Variants in MBNL1 observed in about 807,000 individuals in gnomAD.
MBNL1 encodes muscleblind like splicing regulator 1, also known as muscleblind-like protein 1.
Under a neutral mutation model 42.2 loss-of-function variants are expected in MBNL1, and 8 were observed. The observed-to-expected ratio is 0.19, with a 90% CI of 0.11 to 0.34. MBNL1 has a LOEUF of 0.34. Ranked by LOEUF, MBNL1 falls within the 10% of genes least tolerant of loss-of-function variation. The probability of loss-of-function intolerance (pLI) is 1.00; values close to 1 mark genes in which losing one functional copy is unlikely to be tolerated. For synonymous variants in MBNL1, 169 were observed against 173.9 expected (o/e 0.97, Z 0.22); for missense variants, 309 against 495.3 (o/e 0.62, Z 3.57).
At chr3:152,374,049 A>T (rs1404522876) in intron 2 of MBNL1, among the ~76,000 whole-genome samples, 1 of 152,176 alleles carries the variant, frequency 6.6e-6, no homozygotes, top group African/African-American at 2.4e-5. Flanking sequence ...TCTTGTGTAT[A>T]TGCATCTTTT....
At chr3:152,417,623 T>TTGGA (rs1404617879) in intron 3 of MBNL1, among the ~76,000 whole-genome samples, 1 of 152,034 alleles carries the variant, frequency 6.6e-6, no homozygotes, top group African/African-American at 2.4e-5. Flanking sequence ...TGGAAGCATC[T>TTGGA]AGTATTATGC....
chr3:152,300,475 G>T, intron 2 of MBNL1, 108 bp downstream of exon 2: 1 of 926,086 alleles, frequency 1.1e-6, no homozygotes, highest in Admixed American at 2.4e-5. Context: ...TCATAGTTTA[G>T]TTATACAGTG....
chr3:152,450,882 C>T (rs1466567994), intron 6 of MBNL1, among the ~76,000 whole-genome samples: 2 of 151,948 alleles, frequency 1.3e-5, no homozygotes, highest in East Asian at 3.9e-4. Flanking sequence ...TTAAAAACAC[C>T]CTTTGAGAAC....
chr3:152,335,734 A>G (rs1158369438), intron 2 of MBNL1, among the ~76,000 whole-genome samples: 1 of 152,184 alleles, frequency 6.6e-6, no homozygotes, highest in Non-Finnish European at 1.5e-5. Context: ...AAAAATTGGA[A>G]GAAATAAGAA....
chr3:152,456,455 T>G (rs1404209185), intron 8 of MBNL1, 94 bp downstream of exon 8: 2 of 1,007,832 alleles, frequency 2.0e-6, no homozygotes, highest in Non-Finnish European at 3.2e-6. Context: ...TTGAGGTCAG[T>G]GGGAATCGTG....
intron 2 of MBNL1, among the ~76,000 whole-genome samples, chr3:152,355,268 A>G (rs1462076525): frequency 6.6e-6 from 1 of 152,248 alleles, no homozygotes; most frequent in Non-Finnish European, 1.5e-5. Flanking sequence ...AATTGATATT[A>G]TCTATCTTAT....
intron 2 of MBNL1, among the ~76,000 whole-genome samples, chr3:152,398,596 A>G (rs955194996): frequency 2.0e-5 from 3 of 152,126 alleles, no homozygotes; most frequent in African/African-American, 7.2e-5. Context: ...GAATGGTAAA[A>G]TCTGTTACCT....
chr3:152,439,310 G>C (rs776999401), intron 4 of MBNL1, among the ~76,000 whole-genome samples: 1 of 152,184 alleles, frequency 6.6e-6, no homozygotes, highest in Non-Finnish European at 1.5e-5. Context: ...ACAGTGAAAA[G>C]CATGCCTATG....
At chr3:152,392,251 C>T (rs2097756652) in intron 2 of MBNL1, among the ~76,000 whole-genome samples, 1 of 152,068 alleles carries the variant, frequency 6.6e-6, no homozygotes, top group African/African-American at 2.4e-5. Flanking sequence ...GCTTAGGTAA[C>T]ATTACACATA....
chr3:152,369,021 G>T (rs1274698821), intron 2 of MBNL1, among the ~76,000 whole-genome samples: 2 of 152,102 alleles, frequency 1.3e-5, no homozygotes, highest in Non-Finnish European at 2.9e-5. Context: ...TTGCCCGATT[G>T]CCCTGGCCAG....
chr3:152,456,951 T>G (rs1201847981), intron 8 of MBNL1, among the ~76,000 whole-genome samples: 1 of 152,162 alleles, frequency 6.6e-6, no homozygotes. Flanking sequence ...GCGCTCTTAT[T>G]TTTATAATTA....
intron 4 of MBNL1, among the ~76,000 whole-genome samples, chr3:152,437,810 G>T (rs1459103998): frequency 1.4e-5 from 2 of 143,972 alleles, no homozygotes; most frequent in African/African-American, 5.2e-5. Context: ...GTCTCACACT[G>T]TTGCCCAGGC....
intron 2 of MBNL1, among the ~76,000 whole-genome samples, chr3:152,303,611 G>A (rs2061650315): frequency 6.6e-6 from 1 of 152,042 alleles, no homozygotes; most frequent in Non-Finnish European, 1.5e-5. Flanking sequence ...CAAAAATGAT[G>A]TTTCAAATCA....
chr3:152,244,967 T>C (rs965468069), intron 2 of MBNL1, among the ~76,000 whole-genome samples: 12 of 152,116 alleles, frequency 7.9e-5, no homozygotes, highest in African/African-American at 2.9e-4. Flanking sequence ...TTTATGATGA[T>C]ATTTGTTTAG....
chr3:152,379,896 G>A lies in MBNL1; in HGVS notation c.175-35045G>A, dbSNP rs2097106345. On this transcript the variant is annotated intron_variant, in intron 2 of 9. Coordinates refer to ENST00000324210, the MANE Select transcript of MBNL1 (RefSeq NM_021038.5). ...GGGATAGATGGAGGCTATTTATATAGGATGTTTATACTATAAGGCAATTAA... is the reference window on the plus strand; with the variant it reads ...GGGATAGATGGAGGCTATTTATATAAGATGTTTATACTATAAGGCAATTAA... Among the ~76,000 whole-genome samples the A allele has an allele frequency of 3.3e-5, 5 of 152,092 alleles. No individual in the cohort carries two copies. The South Asian group carries it at 1.0e-3, about 32-fold the overall frequency.
At chr3:152,289,435 C>T (rs1032293728) in intron 1 of MBNL1, among the ~76,000 whole-genome samples, 4 of 151,944 alleles carry the variant, frequency 2.6e-5, no homozygotes, top group African/African-American at 4.8e-5. Context: ...ATTTAAGTTA[C>T]ATTGAAGTGA....
intron 2 of MBNL1, among the ~76,000 whole-genome samples, chr3:152,361,357 T>C (rs998036466): frequency 2.0e-5 from 3 of 151,652 alleles, no homozygotes; most frequent in African/African-American, 7.3e-5. Context: ...GGCAGATCTT[T>C]CTGTGTAGTT....
chr3:152,392,973 T>G (rs998880370), intron 2 of MBNL1, among the ~76,000 whole-genome samples: 1 of 152,198 alleles, frequency 6.6e-6, no homozygotes. Context: ...GTGTACAATT[T>G]GTTGCGTTGG....
intron 2 of MBNL1, among the ~76,000 whole-genome samples, chr3:152,379,931 A>T (rs1250813048): frequency 6.6e-6 from 1 of 152,122 alleles, no homozygotes; most frequent in Admixed American, 6.6e-5. Flanking sequence ...AATACTTACT[A>T]AGTAGATATA....
Sources: allele counts gnomAD v4.1 joint callset (sites outside exome capture counted in the v4.1 genomes callset), GRCh38; gene constraint gnomAD v4.1.1; transcripts MANE v1.5; gene names NCBI Gene and HGNC (gene_info 2026-07-23, HGNC 2026-07-21).